Variants in CYP4F12 observed in about 807,000 individuals in gnomAD.
CYP4F12 encodes cytochrome P450 4F12.
CYP4F12 carries 60 observed loss-of-function variants against 56.5 expected under a neutral mutation model. The ratio of observed to expected loss-of-function variants is 1.06; its 90% CI spans 0.86 to 1.32. The LOEUF is 1.32. Ranked by LOEUF, CYP4F12 falls within the 40% of genes most tolerant of loss-of-function variation. The pLI, the probability that CYP4F12 is intolerant of heterozygous loss-of-function variation, is 0.00. For synonymous variants in CYP4F12, 263 were observed against 264.9 expected (o/e 0.99, Z 0.07); for missense variants, 711 against 683.5 (o/e 1.04, Z -0.45).
chr19:15,685,867 G>A (rs971147257), intron 9 of CYP4F12, among the ~76,000 whole-genome samples: 1 of 152,176 alleles, frequency 6.6e-6, no homozygotes, highest in African/African-American at 2.4e-5. Context: ...AGTCCAGGGA[G>A]TCCTAAGGGA....
At position 15,680,696 on chromosome 19, in the gene CYP4F12, C is replaced by T. The variant is rs1237730372; in HGVS notation, c.525+177C>T. The T allele has an allele frequency of 3.7e-6, 3 of 813,186 alleles. No individual in the cohort carries two copies. In the South Asian group the frequency reaches 4.4e-5, roughly 12 times the overall value. The allele number at this position is 813,186 out of a possible 1,614,324, so 50.4% of individuals were successfully genotyped here. On this transcript the variant is annotated intron_variant, in intron 5 of 12. Coordinates refer to ENST00000550308, the MANE Select transcript of CYP4F12 (RefSeq NM_023944.4). ...TAATCCCTACTTGAAAGGTCATTTA[C>T]TTGGCACACAGTAGGTTCTCAGAAG...
At chr19:15,680,680 C>T (rs1599956622) in intron 5 of CYP4F12, 161 bp downstream of exon 5, 2 of 921,332 alleles carry the variant, frequency 2.2e-6, no homozygotes, top group Non-Finnish European at 3.4e-6. Flanking sequence ...ATAATCCCTA[C>T]TTGAAAGGTC....
intron 2 of CYP4F12, among the ~76,000 whole-genome samples, chr19:15,676,135 T>C (rs2006907532): frequency 6.6e-6 from 1 of 152,122 alleles, no homozygotes; most frequent in African/African-American, 2.4e-5. Context: ...TTTGTCCTGT[T>C]CATGCCCTCA....
chr19:15,673,327 G>A, intron 1 of CYP4F12, 192 bp downstream of exon 1: 1 of 606,498 alleles, frequency 1.6e-6, no homozygotes. Context: ...TTCCCTTTCT[G>A]TGTGGTTACC....
At chr19:15,687,933 A>T (rs2007696699) in intron 9 of CYP4F12, among the ~76,000 whole-genome samples, 1 of 152,246 alleles carries the variant, frequency 6.6e-6, no homozygotes, top group Non-Finnish European at 1.5e-5. Flanking sequence ...TGCCCAAATG[A>T]ATTTCTTGAT....
chr19:15,690,998 A>G (rs1007047818), intron 9 of CYP4F12, among the ~76,000 whole-genome samples: 1 of 152,078 alleles, frequency 6.6e-6, no homozygotes, highest in African/African-American at 2.4e-5. Context: ...TCCACTCAAT[A>G]CTGTGTCTGA....
At chr19:15,687,901 T>G (rs629871) in intron 9 of CYP4F12, among the ~76,000 whole-genome samples, 1 of 151,846 alleles carries the variant, frequency 6.6e-6, no homozygotes, top group African/African-American at 2.4e-5. Context: ...CTAGCTCAGG[T>G]GAGGTCACAG....
rs1429038569 is a variant in CYP4F12 at position 15,683,504 on chromosome 19, A to T, written c.659A>T (p.Glu220Val). 6.2e-7 allele frequency: 1 copy of T among 1,602,704 alleles called. No homozygotes were observed. The highest frequency in any genetic ancestry group is 1.1e-5 in the South Asian group (1 of 89,478). ...FDSHCQERPS[E>V]YIATILELSA... ...CCCTTGCTCTGCAGGAGGCCCAGTGAATATATTGCCACCATCTTGGAGCTC... is the reference window on the plus strand; with the variant it reads ...CCCTTGCTCTGCAGGAGGCCCAGTGTATATATTGCCACCATCTTGGAGCTC... The change falls in exon 7 of 13, where the codon GAA becomes GTA. Residue 220 changes from glutamate to valine, a missense_variant. Coordinates refer to ENST00000550308, the MANE Select transcript of CYP4F12 (RefSeq NM_023944.4).
At chr19:15,694,908 T>G (rs1387171065) in intron 9 of CYP4F12, among the ~76,000 whole-genome samples, 1 of 152,220 alleles carries the variant, frequency 6.6e-6, no homozygotes, top group African/African-American at 2.4e-5. Context: ...TTGGTGGGAC[T>G]GTAAACTAGT....
chr19:15,693,672 T>C (rs1362465627), intron 9 of CYP4F12, among the ~76,000 whole-genome samples: 4 of 151,072 alleles, frequency 2.6e-5, no homozygotes, highest in South Asian at 4.2e-4. Context: ...TCTTTTGCTG[T>C]GCAGAAGCTC....
intron 9 of CYP4F12, among the ~76,000 whole-genome samples, chr19:15,692,545 A>C (rs2007920586): frequency 6.6e-6 from 1 of 151,626 alleles, no homozygotes; most frequent in African/African-American, 2.4e-5. Flanking sequence ...AAAAATATAG[A>C]TAATTAAGTA....
At chr19:15,696,822 G>A in intron 12 of CYP4F12, 86 bp from the exon 13 acceptor site, 1 of 1,484,328 alleles carries the variant, frequency 6.7e-7, no homozygotes, top group South Asian at 1.3e-5. Context: ...GCTGGGTGCA[G>A]TTGGGGGTCC....
In CYP4F12 at chr19:15,684,885, G is replaced by A; in HGVS notation, c.985+3G>A. ...GGCTGACACCTTCATGTTTGGAGGT[G>A]AGGGTCCCAGTGTGGGACTACAGTG... is the stretch of plus-strand genomic sequence containing the variant. On this transcript the variant is annotated splice_donor_region_variant and intron_variant, in intron 8 of 12. Transcript: ENST00000550308. 6.2e-7 allele frequency: 1 copy of A among 1,602,424 alleles called. No individual in the cohort carries two copies. Among genetic ancestry groups the A allele is most frequent in the East Asian group, 2.2e-5 (1 of 44,860 alleles).
intron 12 of CYP4F12, 121 bp downstream of exon 12, chr19:15,696,633 G>A: frequency 1.6e-6 from 2 of 1,277,280 alleles, no homozygotes; most frequent in African/African-American, 1.5e-5. Context: ...ACAGTTTATG[G>A]GAAAACGTCC....
chr19:15,696,789 T>C lies in CYP4F12; in HGVS notation c.1398-119T>C. The C allele has an allele frequency of 2.9e-6, 4 of 1,363,570 alleles. No individual in the cohort carries two copies. In the South Asian group the frequency reaches 5.9e-5, roughly 20 times the overall value. The allele number at this position is 1,363,570 out of a possible 1,614,324, so 84.5% of individuals were successfully genotyped here. A position where few individuals can be genotyped will look rare whatever the true frequency, so the allele number is the denominator to read the frequency against. On this transcript the variant is annotated intron_variant, in intron 12 of 12. Coordinates refer to ENST00000550308, the MANE Select transcript of CYP4F12 (RefSeq NM_023944.4). Reference sequence around the variant, plus strand: ...ATGGGAGTCCCAGGCACGCTTAGTCTTTCTCTCTCTCTCTCAGGCTGAGCT... The same window carrying C: ...ATGGGAGTCCCAGGCACGCTTAGTCCTTCTCTCTCTCTCTCAGGCTGAGCT...
At chr19:15,673,239 G>A in intron 1 of CYP4F12, 104 bp downstream of exon 1, 1 of 559,916 alleles carries the variant, frequency 1.8e-6, no homozygotes. Context: ...GAAACTGGGG[G>A]TTTCCTGGTA....
intron 2 of CYP4F12, among the ~76,000 whole-genome samples, 165 bp downstream of exon 2, chr19:15,673,892 TACCCACTCACTCCTCTACCC>T (rs1266378671): frequency 0.37 from 48,732 of 130,508 alleles, 22,839 homozygotes; most frequent in South Asian, 0.39. Flanking sequence ...CTCATTCCTC[TACCCACTCACTCCTCTACCC>T]ACTCACTCAC....
intron 7 of CYP4F12, 183 bp from the exon 8 acceptor site, chr19:15,684,633 T>C (rs2007500002): frequency 3.6e-6 from 2 of 557,906 alleles, no homozygotes; most frequent in East Asian, 3.1e-5. Flanking sequence ...GCCCTTGGAG[T>C]TGGGGCTTTG....
At position 15,678,254 on chromosome 19, in the gene CYP4F12, C is replaced by T. The variant is rs1009081600; in HGVS notation, c.199-7C>T. The T allele has an allele frequency of 2.5e-6, 4 of 1,614,180 alleles. No individual in the cohort carries two copies. The East Asian group carries it at 6.7e-5, about 27-fold the overall frequency. On this transcript the variant is annotated splice_region_variant and splice_polypyrimidine_tract_variant and intron_variant, in intron 2 of 12. Transcript: ENST00000550308. ...ACAGGAAGTGACAGCCCTTGACTTG[C>T]TTTCAGATCACTCCTACAGAGGAGG...
Sources: allele counts gnomAD v4.1 joint callset (sites outside exome capture counted in the v4.1 genomes callset), GRCh38; gene constraint gnomAD v4.1.1; transcripts MANE v1.5; gene names NCBI Gene and HGNC (gene_info 2026-07-23, HGNC 2026-07-21).